WWOX: variants seen among roughly 807,000 people sequenced by gnomAD.
WWOX encodes WW domain-containing oxidoreductase.
Under a neutral mutation model 46.2 loss-of-function variants are expected in WWOX, and 69 were observed. That is an observed-to-expected ratio of 1.49 (90% confidence interval 1.23 to 1.82). The LOEUF (loss-of-function observed/expected upper bound fraction) is 1.82, where lower values mean the gene tolerates loss of function less well. WWOX is among the 40% of genes most tolerant of loss of function. WWOX has a pLI of 0.00. For missense variants in WWOX, 919 were observed against 542.6 expected (o/e 1.69, Z -6.89); for synonymous variants, 359 against 202.6 (o/e 1.77, Z -6.56).
intron 8 of WWOX, among the ~76,000 whole-genome samples, chr16:79,124,994 C>T (rs1459714642): frequency 1.3e-5 from 2 of 151,814 alleles, no homozygotes; most frequent in South Asian, 2.1e-4. Context: ...ATTTCTGTTA[C>T]ACAGCTGGGA....
chr16:78,228,879 C>T (rs563869015), intron 5 of WWOX, among the ~76,000 whole-genome samples: 101 of 152,076 alleles, frequency 6.6e-4, no homozygotes, highest in Non-Finnish European at 1.1e-3. Flanking sequence ...GCCAAGTGTC[C>T]GTAAACTTCA....
chr16:79,042,534 A>G (rs989765768), intron 8 of WWOX, among the ~76,000 whole-genome samples: 5 of 152,142 alleles, frequency 3.3e-5, no homozygotes, highest in East Asian at 1.9e-4. Flanking sequence ...TACTTACTCA[A>G]TAAAATGTGG....
At chr16:78,718,629 G>A (rs1025270591) in intron 8 of WWOX, among the ~76,000 whole-genome samples, 1 of 152,010 alleles carries the variant, frequency 6.6e-6, no homozygotes, top group Non-Finnish European at 1.5e-5. Flanking sequence ...GATCCCTTGA[G>A]CCCAGGATTT....
At chr16:78,776,140 A>G (rs1029748493) in intron 8 of WWOX, among the ~76,000 whole-genome samples, 6 of 152,234 alleles carry the variant, frequency 3.9e-5, no homozygotes, top group Admixed American at 1.3e-4. Context: ...AAGGGAATGC[A>G]TGGCTTGGGC....
intron 8 of WWOX, among the ~76,000 whole-genome samples, chr16:78,951,309 T>A (rs984057093): frequency 6.8e-6 from 1 of 147,782 alleles, no homozygotes; most frequent in African/African-American, 2.5e-5. Context: ...GCTCAGGGAA[T>A]ATTGGTGGGA....
Position 78,753,838 on chromosome 16 carries a change from ATATATATATATATATATG to A in WWOX, c.1056+321092_1056+321109del, listed in dbSNP as rs1225975237. 6.0e-3 allele frequency among the ~76,000 whole-genome samples: 612 copies of A among 102,714 alleles called. 8 individuals carry two copies. The highest frequency in any genetic ancestry group is 0.021 in the African/African-American group (504 of 23,630). 67.4% of individuals were successfully genotyped at this position (102,714 alleles called of 152,430 possible). On this transcript the variant is annotated intron_variant, in intron 8 of 8. Coordinates refer to ENST00000566780, the MANE Select transcript of WWOX (RefSeq NM_016373.4). Reference sequence around the variant, plus strand: ...AAAAAAAAAAAAAATATATATATATATATATATATATATATATGTATATGTATATGTATATATAAATTT... The same window carrying A: ...AAAAAAAAAAAAAATATATATATATATATATGTATATGTATATATAAATTT...
intron 8 of WWOX, among the ~76,000 whole-genome samples, chr16:78,827,598 C>G (rs1335298923): frequency 2.0e-5 from 3 of 151,704 alleles, no homozygotes; most frequent in African/African-American, 7.3e-5. Flanking sequence ...TTTGGGAGGC[C>G]AAGGTGGGTG....
intron 8 of WWOX, among the ~76,000 whole-genome samples, chr16:79,186,263 C>T (rs966335476): frequency 2.6e-5 from 4 of 152,182 alleles, no homozygotes; most frequent in Non-Finnish European, 5.9e-5. Context: ...GCCTAGAGGG[C>T]TTCAAACAAC....
intron 8 of WWOX, chr16:78,891,446 C>G (rs2044588452): frequency 6.6e-6 from 1 of 152,154 alleles, no homozygotes; most frequent in South Asian, 2.1e-4. Context: ...TAGCATAAGA[C>G]CTGCTGGACC....
At chr16:78,922,471 C>T (rs564118381) in intron 8 of WWOX, among the ~76,000 whole-genome samples, 11 of 151,568 alleles carry the variant, frequency 7.3e-5, no homozygotes, top group Non-Finnish European at 1.5e-4. Flanking sequence ...TTCTACCTCC[C>T]GGGTTCAAGC....
chr16:78,309,291 G>T (rs185418952), intron 5 of WWOX, among the ~76,000 whole-genome samples: 2 of 152,182 alleles, frequency 1.3e-5, no homozygotes, highest in African/African-American at 4.8e-5. Flanking sequence ...TCTGCTTCCT[G>T]CCGCTTTGTG....
chr16:79,186,092 T>C (rs1376643154), intron 8 of WWOX, among the ~76,000 whole-genome samples: 1 of 152,126 alleles, frequency 6.6e-6, no homozygotes, highest in Non-Finnish European at 1.5e-5. Flanking sequence ...TTTCTGCCTG[T>C]GGCTGTGGGC....
intron 8 of WWOX, among the ~76,000 whole-genome samples, chr16:79,141,490 C>G (rs1455590007): frequency 6.6e-6 from 1 of 152,240 alleles, no homozygotes; most frequent in Non-Finnish European, 1.5e-5. Flanking sequence ...GACCTGTCAA[C>G]ATGAACTGTC....
chr16:78,876,324 T>C (rs2044233181), intron 8 of WWOX, among the ~76,000 whole-genome samples: 1 of 152,148 alleles, frequency 6.6e-6, no homozygotes, highest in Non-Finnish European at 1.5e-5. Flanking sequence ...GGCCATGCCC[T>C]TTCTTCTGCA....
chr16:78,341,760 G>A lies in WWOX; in HGVS notation c.517-45100G>A, dbSNP rs1408985294. Among the ~76,000 whole-genome samples the A allele has an allele frequency of 1.7e-5, 2 of 120,856 alleles. 1 individual carries two copies. The highest frequency in any genetic ancestry group is 4.0e-5 in the Non-Finnish European group (2 of 50,520). The allele number at this position is 120,856 out of a possible 152,430, so 79.3% of individuals were successfully genotyped here. A position where few individuals can be genotyped will look rare whatever the true frequency, so the allele number is the denominator to read the frequency against. On this transcript the variant is annotated intron_variant, in intron 5 of 8. Coordinates refer to ENST00000566780, the MANE Select transcript of WWOX (RefSeq NM_016373.4). The stretch of plus-strand genomic sequence containing the variant: ...CAGTGTTGCTGAGGGATGTGGACAT[G>A]TCTGAGGCCAAATAGATGAGTCCCT...
intron 8 of WWOX, among the ~76,000 whole-genome samples, chr16:78,899,826 G>C (rs2044784571): frequency 6.6e-6 from 1 of 152,090 alleles, no homozygotes; most frequent in African/African-American, 2.4e-5. Context: ...ACTAGCGCGT[G>C]GTCTGTTTTG....
chr16:79,108,256 C>A (rs1209346248), intron 8 of WWOX, among the ~76,000 whole-genome samples: 1 of 152,224 alleles, frequency 6.6e-6, no homozygotes, highest in East Asian at 1.9e-4. Context: ...AAGACTATAT[C>A]CTCTGCAAAA....
At chr16:79,203,846 A>G (rs1225386807) in intron 8 of WWOX, 39 of 150,788 alleles carry the variant, frequency 2.6e-4, no homozygotes, top group Non-Finnish European at 1.5e-5. Context: ...ACAGATGCAT[A>G]CATTTATACG....
At chr16:78,866,505 C>T (rs182009948) in intron 8 of WWOX, among the ~76,000 whole-genome samples, 2 of 151,756 alleles carry the variant, frequency 1.3e-5, no homozygotes, top group African/African-American at 2.4e-5. Flanking sequence ...GTTAGTAAAA[C>T]GAAGAACAGT....
Sources: gnomAD v4.1 joint callset for allele counts (sites outside exome capture counted in the v4.1 genomes callset) on GRCh38, gnomAD v4.1.1 for gene constraint, MANE v1.5 for transcripts, NCBI Gene and HGNC (gene_info 2026-07-23, HGNC 2026-07-21) for gene names.